Variants in OSBPL3 observed in about 807,000 individuals in gnomAD.
OSBPL3 encodes oxysterol-binding protein-related protein 3.
In OSBPL3, 65 loss-of-function variants were observed where a neutral mutation model predicts 120.1. That is an observed-to-expected ratio of 0.54 (90% CI 0.44 to 0.67). OSBPL3 has a LOEUF of 0.67. OSBPL3 is among the 30% of genes least tolerant of loss of function. The pLI is 0.00. For missense variants in OSBPL3, 1,004 were observed against 1,082.1 expected (o/e 0.93, Z 1.01); for synonymous variants, 416 against 402.6 (o/e 1.03, Z -0.40).
chr7:24,979,826 GCGC>G, intron 1 of OSBPL3, 57 bp downstream of exon 1: 1 of 687,586 alleles, frequency 1.5e-6, no homozygotes, highest in Non-Finnish European at 1.8e-6. Context: ...TTCCGAGCCC[GCGC>G]CGCCGCCAGG....
chr7:24,849,110 CGAG>C lies in OSBPL3; in HGVS notation c.1222_1224del (p.Leu408del). The stretch of plus-strand genomic sequence containing the variant: ...CCCGACTTGGCGACAGCGGGGGAGT[CGAG>C]GAGCAGAGACTCGGCATGGATTCTG... On this transcript the variant is annotated inframe_deletion, in exon 12 of 23. Transcript: ENST00000313367. The surrounding 1 kb of genome is among the most constrained non-coding windows in gnomAD (Gnocchi z 5.4). The C allele has an allele frequency of 6.2e-7, 1 of 1,613,964 alleles. No individual in the cohort carries two copies. The highest frequency in any genetic ancestry group is 8.5e-7 in the Non-Finnish European group (1 of 1,179,902).
chr7:24,929,603 CT>C (rs148356855), intron 1 of OSBPL3, among the ~76,000 whole-genome samples: 20,253 of 151,088 alleles, frequency 0.13, 1,680 homozygotes, highest in East Asian at 0.23. Context: ...AAATACCACA[CT>C]TTTTTTTTAA....
chr7:24,893,137 G>T (rs1805615871), intron 1 of OSBPL3, among the ~76,000 whole-genome samples: 2 of 152,256 alleles, frequency 1.3e-5, no homozygotes, highest in South Asian at 2.1e-4. Context: ...AGATCCAAAA[G>T]AAGTGAAAAC....
chr7:24,846,985 G>A (rs542180276), intron 12 of OSBPL3, among the ~76,000 whole-genome samples: 150 of 151,622 alleles, frequency 9.9e-4, no homozygotes, highest in Non-Finnish European at 1.8e-3. Context: ...GCGTGAACCC[G>A]GGAGGCGGAG....
intron 2 of OSBPL3, among the ~76,000 whole-genome samples, chr7:24,890,388 C>T (rs1468346162): frequency 1.3e-5 from 2 of 152,042 alleles, no homozygotes; most frequent in African/African-American, 2.4e-5. Flanking sequence ...ATGGCTGTGC[C>T]CTAAGTGAGG....
At position 24,847,340 on chromosome 7, in the gene OSBPL3, A is replaced by C. The variant is rs551821772; in HGVS notation, c.1266+1729T>G. ...CCTGAGTCACTCCATGATAAAAGGG[A>C]TAAAATAAGGGAAACAGAAAATTTC... On this transcript the variant is annotated intron_variant, in intron 12 of 22. Transcript: ENST00000313367. Among the ~76,000 whole-genome samples, 5 of 152,286 alleles carry C rather than the reference A, an allele frequency of 3.3e-5. No homozygotes were observed. In the East Asian group the frequency reaches 7.7e-4, roughly 24 times the overall value.
intron 7 of OSBPL3, among the ~76,000 whole-genome samples, chr7:24,865,136 C>T (rs1459714201): frequency 1.3e-5 from 2 of 152,280 alleles, no homozygotes; most frequent in East Asian, 3.9e-4. Context: ...GAAGAAGAAA[C>T]CTGTCTGCAT....
In OSBPL3 at chr7:24,818,521, A is replaced by G. The variant is rs1794748116; in HGVS notation, c.1948+1654T>C. ...TGGCATAATATTATTTGATGATATT[A>G]AAAATATATAACATAAATCCTAAAG... On this transcript the variant is annotated intron_variant, in intron 17 of 22. Transcript: ENST00000313367. The surrounding 1 kb of genome is among the most constrained non-coding windows in gnomAD (Gnocchi z 4.0). Among the ~76,000 whole-genome samples, 1 of 152,232 alleles carries G rather than the reference A, an allele frequency of 6.6e-6. No individual in the cohort carries two copies. Among genetic ancestry groups the G allele is most frequent in the Non-Finnish European group, 1.5e-5 (1 of 68,046 alleles).
intron 2 of OSBPL3, among the ~76,000 whole-genome samples, chr7:24,889,696 A>G (rs1805054074): frequency 6.6e-6 from 1 of 152,264 alleles, no homozygotes; most frequent in Non-Finnish European, 1.5e-5. Context: ...AAAGGTGTCC[A>G]TTAGCCTGTT....
chr7:24,916,803 T>C lies in OSBPL3; in HGVS notation c.-149-24182A>G, dbSNP rs1272078178. ...TGGGTATTTTCACTAGAGATGTAAA[T>C]GGAAACTTCCCATGCTGGGATTCCC... is the stretch of plus-strand genomic sequence containing the variant. On this transcript the variant is annotated intron_variant, in intron 1 of 22. Transcript: ENST00000313367. This position sits in a 1 kb window ranked among gnomAD's most constrained non-coding sequence, Gnocchi z 4.9. 1.3e-5 allele frequency among the ~76,000 whole-genome samples: 2 copies of C among 152,266 alleles called. No individual in the cohort carries two copies. Among genetic ancestry groups the C allele is most frequent in the Non-Finnish European group, 1.5e-5 (1 of 68,028 alleles).
At chr7:24,856,641 T>C (rs1799876451) in intron 10 of OSBPL3, among the ~76,000 whole-genome samples, 2 of 152,168 alleles carry the variant, frequency 1.3e-5, no homozygotes, top group South Asian at 4.1e-4. Context: ...TCAGGATTTG[T>C]CCAAAATACG....
chr7:24,837,161 T>C (rs1033319368), intron 14 of OSBPL3, among the ~76,000 whole-genome samples: 2 of 152,078 alleles, frequency 1.3e-5, no homozygotes, highest in Non-Finnish European at 2.9e-5. Flanking sequence ...TATGGGTAAA[T>C]ACAACATAGG....
Position 24,833,368 on chromosome 7 carries a change from A to G in OSBPL3, c.1746+1118T>C, listed in dbSNP as rs1002377565. ...GGGTGACAAAGACCCTGACTCAAAA[A>G]AAGAGAAAGTCTCTTTGATGGGGAG... On this transcript the variant is annotated intron_variant, in intron 15 of 22. Coordinates refer to ENST00000313367, the MANE Select transcript of OSBPL3 (RefSeq NM_015550.4). The surrounding 1 kb of genome is among the most constrained non-coding windows in gnomAD (Gnocchi z 4.4). 1.3e-5 allele frequency among the ~76,000 whole-genome samples: 2 copies of G among 152,210 alleles called. No homozygotes were observed. The highest frequency in any genetic ancestry group is 4.1e-4 in the South Asian group (2 of 4,832).
rs1337861614 is a variant in OSBPL3, at chr7:24,803,251, A to G, written c.2567+1064T>C. On this transcript the variant is annotated intron_variant, in intron 22 of 22. Transcript: ENST00000313367. The surrounding 1 kb of genome is among the most constrained non-coding windows in gnomAD (Gnocchi z 4.2). ...GGAAGGACTTGGGCAGATGGAGTAG[A>G]GCAGGAACTTGCTGCTTTTTCACAT... 1.3e-5 allele frequency among the ~76,000 whole-genome samples: 2 copies of G among 152,232 alleles called. No individual in the cohort carries two copies. Among genetic ancestry groups the G allele is most frequent in the African/African-American group, 2.4e-5 (1 of 41,466 alleles).
rs1316841054 is a variant in OSBPL3, at chr7:24,881,348, A to G, written c.97-9279T>C. On this transcript the variant is annotated intron_variant, in intron 2 of 22. Coordinates refer to ENST00000313367, the MANE Select transcript of OSBPL3 (RefSeq NM_015550.4). The surrounding 1 kb of genome is among the most constrained non-coding windows in gnomAD (Gnocchi z 4.3). ...AGAGAACTTTACAAATCAAAGAAGG[A>G]ATGACTTTAGTGCCAAGTATGTTAT... Among the ~76,000 whole-genome samples the G allele has an allele frequency of 6.6e-6, 1 of 152,172 alleles. No homozygotes were observed. The highest frequency in any genetic ancestry group is 1.5e-5 in the Non-Finnish European group (1 of 68,038).
intron 12 of OSBPL3, among the ~76,000 whole-genome samples, chr7:24,847,934 C>T (rs1798640597): frequency 6.6e-6 from 1 of 152,230 alleles, no homozygotes; most frequent in Admixed American, 6.5e-5. Flanking sequence ...AAAGTGACCT[C>T]TTGTGGGTAG....
intron 1 of OSBPL3, among the ~76,000 whole-genome samples, chr7:24,979,558 G>A (rs563485201): frequency 2.0e-4 from 30 of 152,310 alleles, no homozygotes; most frequent in African/African-American, 7.0e-4. Flanking sequence ...CCGCTGCCCA[G>A]GACAGCTCCG....
intron 1 of OSBPL3, among the ~76,000 whole-genome samples, chr7:24,920,609 G>C (rs990264463): frequency 6.6e-6 from 1 of 152,152 alleles, no homozygotes; most frequent in Non-Finnish European, 1.5e-5. Context: ...TTCTAGAAGA[G>C]TAAATTCTGT....
chr7:24,901,369 G>C (rs1384982466), intron 1 of OSBPL3, among the ~76,000 whole-genome samples: 1 of 150,718 alleles, frequency 6.6e-6, no homozygotes, highest in Non-Finnish European at 1.5e-5. Flanking sequence ...AAAAAAGAGA[G>C]AGAGAGTTGG....
Sources: allele counts gnomAD v4.1 joint callset (sites outside exome capture counted in the v4.1 genomes callset), GRCh38; gene constraint gnomAD v4.1.1; non-coding constraint Gnocchi (gnomAD v3.1); transcripts MANE v1.5; gene names NCBI Gene and HGNC (gene_info 2026-07-23, HGNC 2026-07-21).